RBFOX1: variants seen among roughly 807,000 people sequenced by gnomAD.
RBFOX1 encodes RNA binding protein fox-1 homolog 1.
RBFOX1 carries 8 observed loss-of-function variants against 57.7 expected under a neutral mutation model. The observed-to-expected ratio is 0.14, with a 90% CI of 0.08 to 0.25. RBFOX1 has a LOEUF of 0.25. Among genes scored for constraint, RBFOX1 ranks in the 10% least tolerant of loss-of-function variants. The pLI is 1.00. For synonymous variants in RBFOX1, 326 were observed against 222.4 expected, an observed-to-expected ratio of 1.47 and a Z score of -4.15; for missense variants, 611 against 548.5, an observed-to-expected ratio of 1.11 and a Z score of -1.14.
chr16:5,354,556 A>C (rs989549722), intron 1 of RBFOX1, among the ~76,000 whole-genome samples: 1 of 152,216 alleles, frequency 6.6e-6, no homozygotes, highest in African/African-American at 2.4e-5. Context: ...GAAGGGGATC[A>C]ATACATTCTG....
chr16:6,676,163 C>T (rs1407241925), intron 3 of RBFOX1, among the ~76,000 whole-genome samples: 1 of 151,778 alleles, frequency 6.6e-6, no homozygotes, highest in African/African-American at 2.4e-5. Context: ...CACACACACA[C>T]ACACACACAC....
At chr16:6,614,252 G>C (rs1294643195) in intron 2 of RBFOX1, among the ~76,000 whole-genome samples, 1 of 152,098 alleles carries the variant, frequency 6.6e-6, no homozygotes, top group Non-Finnish European at 1.5e-5. Context: ...TGTCTGAAAT[G>C]GACAATAATA....
chr16:6,436,099 T>C (rs557828112), intron 2 of RBFOX1, among the ~76,000 whole-genome samples: 29 of 152,302 alleles, frequency 1.9e-4, no homozygotes, highest in Non-Finnish European at 3.8e-4. Flanking sequence ...GAGGAAAGCA[T>C]GAAAATGTGG....
chr16:6,173,710 A>C (rs1050295661), intron 1 of RBFOX1, among the ~76,000 whole-genome samples: 13 of 147,140 alleles, frequency 8.8e-5, no homozygotes, highest in African/African-American at 3.3e-4. Flanking sequence ...CTCGGGTTCA[A>C]GTGATTCTCC....
At chr16:6,995,127 G>A (rs997420526) in intron 3 of RBFOX1, among the ~76,000 whole-genome samples, 1 of 152,126 alleles carries the variant, frequency 6.6e-6, no homozygotes, top group South Asian at 2.1e-4. Context: ...TCTGTCACCT[G>A]TAATTTAGGC....
chr16:5,948,335 G>A (rs1372055055), intron 4 of RBFOX1, among the ~76,000 whole-genome samples: 1 of 152,166 alleles, frequency 6.6e-6, no homozygotes, highest in African/African-American at 2.4e-5. Context: ...ATGGCCTTTG[G>A]CTCCTGGCCA....
intron 4 of RBFOX1, among the ~76,000 whole-genome samples, chr16:5,893,200 C>G (rs1158727368): frequency 2.6e-5 from 4 of 152,324 alleles, no homozygotes; most frequent in Non-Finnish European, 1.5e-5. Flanking sequence ...GCTCCTCATC[C>G]TCACATAGCT....
At chr16:5,401,524 A>T (rs930575294) in intron 1 of RBFOX1, among the ~76,000 whole-genome samples, 16 of 151,958 alleles carry the variant, frequency 1.1e-4, no homozygotes, top group African/African-American at 3.9e-4. Context: ...CTTCTGAAGG[A>T]TTCTTGTCTG....
chr16:7,044,678 T>C (rs2047297792), intron 3 of RBFOX1, among the ~76,000 whole-genome samples: 1 of 151,402 alleles, frequency 6.6e-6, no homozygotes, highest in Non-Finnish European at 1.5e-5. Flanking sequence ...AATATATTGG[T>C]TTTGTGCATT....
chr16:5,719,350 T>C (rs1022276032), intron 3 of RBFOX1, among the ~76,000 whole-genome samples: 14 of 151,160 alleles, frequency 9.3e-5, no homozygotes, highest in South Asian at 4.2e-4. Context: ...TACAGGCACC[T>C]GCCACCATGC....
At chr16:6,120,173 T>C (rs2096538416) in intron 1 of RBFOX1, among the ~76,000 whole-genome samples, 1 of 152,236 alleles carries the variant, frequency 6.6e-6, no homozygotes, top group African/African-American at 2.4e-5. Context: ...ACTATGTATT[T>C]ATCCGTTGAT....
chr16:5,433,348 C>T (rs1301870572), intron 1 of RBFOX1, among the ~76,000 whole-genome samples: 6 of 152,188 alleles, frequency 3.9e-5, no homozygotes, highest in Non-Finnish European at 8.8e-5. Flanking sequence ...TCTCTGCCTC[C>T]TCTTTTCGCT....
At chr16:5,432,754 CAGATTAAT>C (rs2151516862) in intron 1 of RBFOX1, among the ~76,000 whole-genome samples, 1 of 152,148 alleles carries the variant, frequency 6.6e-6, no homozygotes, top group East Asian at 1.9e-4. Flanking sequence ...GTCTTTCCCA[CAGATTAAT>C]GAGGCCCGTA....
At chr16:7,146,497 C>T (rs1385333643) in intron 4 of RBFOX1, among the ~76,000 whole-genome samples, 1 of 152,174 alleles carries the variant, frequency 6.6e-6, no homozygotes, top group Admixed American at 6.5e-5. Context: ...CTTTCTGATA[C>T]TAGAGAGAGC....
intron 10 of RBFOX1, among the ~76,000 whole-genome samples, chr16:7,623,824 C>T (rs2059676976): frequency 6.6e-6 from 1 of 152,170 alleles, no homozygotes; most frequent in South Asian, 2.1e-4. Flanking sequence ...TCTGTCTTCA[C>T]CTGGGTTTCC....
intron 1 of RBFOX1, among the ~76,000 whole-genome samples, chr16:6,168,037 A>G (rs1265076683): frequency 6.6e-6 from 1 of 152,164 alleles, no homozygotes; most frequent in Non-Finnish European, 1.5e-5. Context: ...TGGGATGGAG[A>G]CTGACAGTTT....
intron 2 of RBFOX1, among the ~76,000 whole-genome samples, chr16:6,538,857 A>G (rs1232144623): frequency 6.6e-6 from 1 of 152,106 alleles, no homozygotes; most frequent in Non-Finnish European, 1.5e-5. Context: ...AATGGTGCCA[A>G]ACTTACTATT....
intron 3 of RBFOX1, among the ~76,000 whole-genome samples, chr16:6,811,143 C>T (rs907042323): frequency 1.3e-5 from 2 of 152,084 alleles, no homozygotes; most frequent in African/African-American, 4.8e-5. Flanking sequence ...ACTTCTAAGG[C>T]CTCCAATTCT....
intron 2 of RBFOX1, among the ~76,000 whole-genome samples, chr16:5,559,892 A>G (rs1198126609): frequency 8.1e-6 from 1 of 123,984 alleles, no homozygotes; most frequent in Non-Finnish European, 1.8e-5. Flanking sequence ...TACTCCAGCC[A>G]TCCTGAGATC....
Sources: allele counts gnomAD v4.1 joint callset (sites outside exome capture counted in the v4.1 genomes callset), GRCh38; gene constraint gnomAD v4.1.1; transcripts MANE v1.5; gene names NCBI Gene and HGNC (gene_info 2026-07-23, HGNC 2026-07-21).